The following ANKRD30B variants were observed in gnomAD, a reference collection of about 807,000 sequenced individuals.
ANKRD30B encodes ankyrin repeat domain 30B, also known as ankyrin repeat domain-containing protein 30B.
Under a neutral mutation model 202.2 loss-of-function variants are expected in ANKRD30B, and 144 were observed. The observed-to-expected ratio is 0.71, with a 90% CI of 0.62 to 0.82. The LOEUF (loss-of-function observed/expected upper bound fraction) is 0.82. Ranked by LOEUF, ANKRD30B falls within the 40% of genes least tolerant of loss-of-function variation. ANKRD30B has a pLI of 0.00. For synonymous variants in ANKRD30B, 508 were observed against 561.3 expected (o/e 0.91, Z 1.34); for missense variants, 1,487 against 1,669.1 (o/e 0.89, Z 1.90).
rs184776684 is a variant in ANKRD30B, at chr18:14,806,208, A to G, written c.2285-2343A>G. ...GCCCTCCAGCCTGGGTGACAGGGCG[A>G]GACACCGCCAAAAAAAAAAAAGAAA... On this transcript the variant is annotated intron_variant, in intron 24 of 43. Transcript: ENST00000690538. Among the ~76,000 whole-genome samples, 100 of 137,016 alleles carry G rather than the reference A, an allele frequency of 7.3e-4. 2 individuals carry two copies. The highest frequency in any genetic ancestry group is 3.8e-3 in the Middle Eastern group (1 of 266). The allele number at this position is 137,016 out of a possible 152,430, so 89.9% of individuals were successfully genotyped here. A position where few individuals can be genotyped will look rare whatever the true frequency, so the allele number is the denominator to read the frequency against.
intron 28 of ANKRD30B, 25 bp downstream of exon 28, chr18:14,810,205 C>A (rs373711967): frequency 4.7e-6 from 6 of 1,270,478 alleles, no homozygotes; most frequent in African/African-American, 1.5e-5. Context: ...TTAAATTTTA[C>A]TCTGGAATTA....
At chr18:14,772,384 GTTT>G (rs61387617) in intron 9 of ANKRD30B, among the ~76,000 whole-genome samples, 156 bp downstream of exon 9, 2,746 of 148,258 alleles carry the variant, frequency 0.019, 86 homozygotes, top group African/African-American at 0.062. Flanking sequence ...GATTTAAACA[GTTT>G]TTTTTTTTTT....
chr18:14,848,898 G>A lies in ANKRD30B; in HGVS notation c.3364G>A (p.Ala1122Thr), dbSNP rs1397335825. The A allele has an allele frequency of 1.3e-6, 2 of 1,595,816 alleles. No homozygotes were observed. Among genetic ancestry groups the A allele is most frequent in the Non-Finnish European group, 1.7e-6 (2 of 1,173,372 alleles). ...EIKSQLENQK[A>T]KWEQELCSVR... Reference sequence around the variant, plus strand: ...AAAATCACAGTTAGAGAACCAAAAAGCTAAATGGGAACAAGAGCTCTGCAG... The same window carrying A: ...AAAATCACAGTTAGAGAACCAAAAAACTAAATGGGAACAAGAGCTCTGCAG... The change falls in exon 40 of 44, where the codon GCT (alanine) becomes ACT (threonine). Residue 1122 changes from alanine to threonine, a missense_variant. By Grantham distance (58) the Ala-to-Thr change is moderately conservative. Transcript: ENST00000690538.
chr18:14,891,728 A>G, the ANKRD30B span, among the ~76,000 whole-genome samples: 1 of 152,218 alleles, frequency 6.6e-6, no homozygotes, highest in South Asian at 2.1e-4. Context: ...GTAATGTTCA[A>G]CAGATCTTCA....
chr18:14,864,327 T>C, the ANKRD30B span, among the ~76,000 whole-genome samples: 1 of 152,012 alleles, frequency 6.6e-6, no homozygotes. Flanking sequence ...AGAGCAGGAC[T>C]CCGTCTCAAA....
At chr18:14,924,340 T>C in the ANKRD30B span, among the ~76,000 whole-genome samples, 8 of 152,252 alleles carry the variant, frequency 5.3e-5, no homozygotes, top group Non-Finnish European at 1.2e-4. Flanking sequence ...TGATAACTAA[T>C]ACTATCTTAA....
chr18:14,858,712 C>T (rs1972138115), downstream of ANKRD30B, among the ~76,000 whole-genome samples: 2 of 147,748 alleles, frequency 1.4e-5, no homozygotes, highest in South Asian at 2.1e-4. Context: ...AGGCACTCCT[C>T]ACCTCCCAGA....
rs768239978 is a variant in ANKRD30B at position 14,797,664 on chromosome 18, C to T, written c.1931C>T (p.Ser644Phe). The T allele has an allele frequency of 3.7e-6, 6 of 1,607,622 alleles. No homozygotes were observed. In the South Asian group the frequency reaches 4.4e-5, roughly 12 times the overall value. The change falls in exon 19 of 44, where the codon TCT (serine) becomes TTT (phenylalanine). Residue 644 changes from serine to phenylalanine, a missense_variant. Around this residue, in one of 6 missense-constraint regions of ANKRD30B, gnomAD observed 889 missense variants for 841.4 expected, o/e 1.06. Transcript: ENST00000690538. ...ATAAATGTCCCTTTTCTTTTAGAGT[C>T]TCCTGATAAAGATGGTCTTCTGAAG... ...LKDRETFKAE[S>F]PDKDGLLKPT...
At chr18:14,902,610 C>T in the ANKRD30B span, among the ~76,000 whole-genome samples, 1 of 152,076 alleles carries the variant, frequency 6.6e-6, no homozygotes, top group Non-Finnish European at 1.5e-5. Flanking sequence ...GGGAGCTGTC[C>T]TCCTCCTTTC....
intron 8 of ANKRD30B, among the ~76,000 whole-genome samples, chr18:14,771,332 T>C (rs1016082144): frequency 3.3e-5 from 5 of 152,134 alleles, no homozygotes; most frequent in Non-Finnish European, 7.4e-5. Flanking sequence ...TCTGTATATA[T>C]AGTACTTAGA....
intron 14 of ANKRD30B, among the ~76,000 whole-genome samples, chr18:14,786,378 C>A (rs1424382618): frequency 2.0e-5 from 3 of 152,182 alleles, no homozygotes; most frequent in African/African-American, 7.2e-5. Flanking sequence ...CAAGGTGTCA[C>A]AAGCTGACTC....
chr18:14,840,221 G>T (rs1256102202), intron 36 of ANKRD30B, among the ~76,000 whole-genome samples: 1 of 152,158 alleles, frequency 6.6e-6, no homozygotes, highest in African/African-American at 2.4e-5. Context: ...TGTGATGCTT[G>T]TCATTATTAT....
the ANKRD30B span, among the ~76,000 whole-genome samples, chr18:14,912,303 GTT>G: frequency 6.6e-6 from 1 of 152,038 alleles, no homozygotes; most frequent in South Asian, 2.1e-4. Flanking sequence ...TCTATGCCTA[GTT>G]TTTTTGAGGA....
chr18:14,784,532 G>A lies in ANKRD30B; in HGVS notation c.1669G>A (p.Ala557Thr), dbSNP rs1362736485. The A allele has an allele frequency of 5.0e-6, 8 of 1,612,342 alleles. No homozygotes were observed. Among genetic ancestry groups the A allele is most frequent in the African/African-American group, 1.3e-5 (1 of 74,828 alleles). Residue 557 changes from alanine to threonine, a missense_variant, in exon 14 of 44, where the codon GCA (alanine) becomes ACA (threonine). Physicochemically the swap from Ala to Thr is moderately conservative, Grantham distance 58 (BLOSUM62 0). Transcript: ENST00000690538. ...ATTGAAGAATGAACAAACATTGAGAGCAGGTAAATTTTTCAATTTAACTAT... is the reference window on the plus strand; with the variant it reads ...ATTGAAGAATGAACAAACATTGAGAACAGGTAAATTTTTCAATTTAACTAT... ...FELKNEQTLR[A>T]AQMFPSESKQ...
At chr18:14,792,625 T>A (rs1389102987) in intron 16 of ANKRD30B, among the ~76,000 whole-genome samples, 1 of 151,926 alleles carries the variant, frequency 6.6e-6, no homozygotes, top group East Asian at 1.9e-4. Flanking sequence ...CACTGCAGAA[T>A]GTTAGAGTGT....
intron 12 of ANKRD30B, among the ~76,000 whole-genome samples, chr18:14,784,009 A>T (rs1226719617): frequency 2.0e-5 from 3 of 152,148 alleles, no homozygotes; most frequent in African/African-American, 7.2e-5. Flanking sequence ...AATATAAATG[A>T]TTTTAATGTG....
chr18:14,938,383 C>T, the ANKRD30B span, among the ~76,000 whole-genome samples: 3 of 152,244 alleles, frequency 2.0e-5, no homozygotes, highest in African/African-American at 7.2e-5. Flanking sequence ...ACGCTTGCCG[C>T]CCTCTGCTCT....
At chr18:14,910,023 A>C in the ANKRD30B span, 11 of 152,224 alleles carry the variant, frequency 7.2e-5, no homozygotes, top group Admixed American at 7.2e-4. Flanking sequence ...AGATGATGTC[A>C]AGTGTATATC....
chr18:14,887,060 G>A, the ANKRD30B span, among the ~76,000 whole-genome samples: 1 of 152,086 alleles, frequency 6.6e-6, no homozygotes, highest in South Asian at 2.1e-4. Flanking sequence ...GGACTTGAAT[G>A]ACAAATATTT....
Sources: gnomAD v4.1 joint callset for allele counts (sites outside exome capture counted in the v4.1 genomes callset) on GRCh38, gnomAD v4.1.1 for gene constraint, gnomAD v4.1.1 regional missense constraint, MANE v1.5 for transcripts, NCBI Gene and HGNC (gene_info 2026-07-23, HGNC 2026-07-21) for gene names.